The following OFD1 variants were observed in gnomAD, a reference collection of about 807,000 sequenced individuals.
OFD1 encodes OFD1 centriole and centriolar satellite protein.
OFD1 carries 12 observed loss-of-function variants against 81.4 expected under a neutral mutation model. The observed-to-expected ratio is 0.15, with a 90% CI of 0.09 to 0.24. The LOEUF (loss-of-function observed/expected upper bound fraction) is 0.24, where lower values mean the gene tolerates loss of function less well. Among genes scored for constraint, OFD1 ranks in the 10% least tolerant of loss-of-function variants. The pLI, the probability that OFD1 is intolerant of heterozygous loss-of-function variation, is 1.00. For synonymous variants in OFD1, 256 were observed against 263.7 expected (o/e 0.97, Z 0.28); for missense variants, 685 against 733.9 (o/e 0.93, Z 0.77).
chrX:13,737,209 T>C (rs1420834020), intron 3 of OFD1, among the ~76,000 whole-genome samples: 8 of 111,468 alleles, frequency 7.2e-5, no homozygotes, highest in Non-Finnish European at 1.5e-4. Flanking sequence ...GAGAAATACG[T>C]AATTTAAAAA....
intron 19 of OFD1, 130 bp from the exon 20 acceptor site, chrX:13,766,997 G>A (rs2048153017): frequency 1.7e-6 from 1 of 596,015 alleles, no homozygotes; most frequent in African/African-American, 2.2e-5. Context: ...GTGACTTGAA[G>A]CAGGTCACAG....
At chrX:13,750,853 A>G (rs142494291) in intron 9 of OFD1, among the ~76,000 whole-genome samples, 256 of 112,538 alleles carry the variant, frequency 2.3e-3, no homozygotes, top group African/African-American at 7.3e-3. Flanking sequence ...TAAATCCCAC[A>G]GTTAGAAACA....
upstream of OFD1, among the ~76,000 whole-genome samples, chrX:13,731,050 A>G (rs1197083401): frequency 8.9e-6 from 1 of 112,043 alleles, no homozygotes; most frequent in Non-Finnish European, 1.9e-5. Flanking sequence ...CATGTACCCT[A>G]GAACTTAAAA....
Position 13,763,728 on chromosome X carries a change from A to C in OFD1, c.2489-17A>C, listed in dbSNP as rs182042414. Reference sequence around the variant, plus strand: ...TGTTATTATTAAGGACTCATGGGACAATTGTGCCTCATGCAGCTGCAGGGA... The same window carrying C: ...TGTTATTATTAAGGACTCATGGGACCATTGTGCCTCATGCAGCTGCAGGGA... On this transcript the variant is annotated splice_polypyrimidine_tract_variant and intron_variant, in intron 18 of 22. Coordinates refer to ENST00000340096, the MANE Select transcript of OFD1 (RefSeq NM_003611.3). 2.4e-4 allele frequency: 278 copies of C among 1,174,615 alleles called. 2 individuals are homozygous for C. The East Asian group carries it at 7.9e-3, about 33-fold the overall frequency.
At chrX:13,739,112 G>T in intron 5 of OFD1, 80 bp downstream of exon 5, 1 of 799,445 alleles carries the variant, frequency 1.3e-6, no homozygotes, top group East Asian at 3.3e-5. Context: ...CAAATTTTTA[G>T]GGAGAAGAGT....
chrX:13,755,171 G>C lies in OFD1; in HGVS notation c.1150G>C (p.Glu384Gln). ...KNKEKAVHLQEELIAINSKKE... is the reference protein window; with the variant it reads ...KNKEKAVHLQQELIAINSKKE... ...TTCAGAAAAAGCTGTTCATTTGCAA[G>C]AGGAGCTCATAGCTATTAATTCAAA... Residue 384 changes from glutamate to glutamine, a missense_variant, in exon 12 of 23, where the codon GAG (glutamate) becomes CAG (glutamine). Physicochemically the swap from Glu to Gln is conservative, Grantham distance 29 (BLOSUM62 2). Coordinates refer to ENST00000340096, the MANE Select transcript of OFD1 (RefSeq NM_003611.3). The C allele has an allele frequency of 8.3e-7, 1 of 1,206,123 alleles. No homozygotes were observed. Among genetic ancestry groups the C allele is most frequent in the Non-Finnish European group, 1.1e-6 (1 of 890,387 alleles).
chrX:13,717,034 TAAAAAAAAAAA>T, the OFD1 span, among the ~76,000 whole-genome samples: 3 of 37,936 alleles, frequency 7.9e-5, no homozygotes, highest in African/African-American at 3.4e-4. Context: ...GATACTATGT[TAAAAAAAAAAA>T]AAAAAAAAAA....
intron 10 of OFD1, chrX:13,752,794 G>A: frequency 4.1e-6 from 4 of 970,834 alleles, no homozygotes; most frequent in African/African-American, 2.0e-5. Flanking sequence ...CGCCACAGGA[G>A]TGCTTCTATT....
chrX:13,763,551 C>T (rs1247434333), intron 18 of OFD1, among the ~76,000 whole-genome samples, 194 bp from the exon 19 acceptor site: 2 of 112,323 alleles, frequency 1.8e-5, no homozygotes, highest in East Asian at 2.8e-4. Flanking sequence ...CTTTCAACTA[C>T]GAGAACACTC....
chrX:13,750,472 C>T (rs1022366127), intron 9 of OFD1, among the ~76,000 whole-genome samples: 3 of 111,947 alleles, frequency 2.7e-5, no homozygotes, highest in African/African-American at 9.8e-5. Flanking sequence ...CTGGATCTCA[C>T]CACCCATGAA....
chrX:13,766,971 C>A (rs1466083214), intron 19 of OFD1, among the ~76,000 whole-genome samples, 156 bp from the exon 20 acceptor site: 1 of 110,550 alleles, frequency 9.0e-6, no homozygotes, highest in Non-Finnish European at 1.9e-5. Context: ...AGCTTGAAGT[C>A]GGTGAAAATG....
At position 13,757,652 on chromosome X, in the gene OFD1, C is replaced by G. The variant is rs764992175; in HGVS notation, c.1412-8C>G. The G allele has an allele frequency of 8.5e-7, 1 of 1,173,516 alleles. No homozygotes were observed. Among genetic ancestry groups the G allele is most frequent in the Non-Finnish European group, 1.1e-6 (1 of 881,163 alleles). On this transcript the variant is annotated splice_polypyrimidine_tract_variant and splice_region_variant and intron_variant, in intron 13 of 22. Coordinates refer to ENST00000340096, the MANE Select transcript of OFD1 (RefSeq NM_003611.3). ...ACTAGGATTTTTTTTTTTTTTTTAC[C>G]TTCTTAGGCCTAGCTCAGCCGGCTC...
upstream of OFD1, among the ~76,000 whole-genome samples, chrX:13,730,392 G>A (rs1179053205): frequency 1.8e-5 from 2 of 112,113 alleles, no homozygotes; most frequent in Non-Finnish European, 3.8e-5. Flanking sequence ...AGTTAGAATG[G>A]CAATCATTAA....
At chrX:13,746,221 T>C (rs2047290434) in intron 6 of OFD1, 98 bp from the exon 7 acceptor site, 1 of 768,509 alleles carries the variant, frequency 1.3e-6, no homozygotes, top group African/African-American at 2.1e-5. Flanking sequence ...CCCTACACTT[T>C]CCCCTAAGTA....
At chrX:13,761,276 C>T in intron 17 of OFD1, 65 bp downstream of exon 17, 2 of 1,086,523 alleles carry the variant, frequency 1.8e-6, no homozygotes, top group Non-Finnish European at 2.5e-6. Context: ...TCAGCCTTCA[C>T]TTGTTTTACT....
downstream of OFD1, chrX:13,773,310 CTTTT>C (rs11305581): frequency 1.9e-4 from 25 of 133,932 alleles, no homozygotes; most frequent in East Asian, 5.8e-4. Flanking sequence ...CGAGAGGGTG[CTTTT>C]TTTTTTTTTT....
intron 18 of OFD1, among the ~76,000 whole-genome samples, chrX:13,762,833 C>T (rs2047987348): frequency 9.0e-6 from 1 of 111,675 alleles, no homozygotes. Context: ...GATCTTGGCT[C>T]ACTGCAATCT....
At chrX:13,754,318 A>G (rs1182116499) in intron 11 of OFD1, among the ~76,000 whole-genome samples, 2 of 110,818 alleles carry the variant, frequency 1.8e-5, no homozygotes, top group Non-Finnish European at 3.8e-5. Flanking sequence ...TGTAACAAGA[A>G]GTTGAAGTTT....
At chrX:13,758,848 C>G (rs927329443) in intron 15 of OFD1, among the ~76,000 whole-genome samples, 1 of 110,888 alleles carries the variant, frequency 9.0e-6, no homozygotes, top group African/African-American at 3.3e-5. Flanking sequence ...AGAATATTGC[C>G]TTCAGAATCA....
Sources: allele counts gnomAD v4.1 joint callset (sites outside exome capture counted in the v4.1 genomes callset), GRCh38; gene constraint gnomAD v4.1.1; transcripts MANE v1.5; gene names NCBI Gene and HGNC (gene_info 2026-07-23, HGNC 2026-07-21).